Variants in PGAP4 observed in about 807,000 individuals in gnomAD.
PGAP4 encodes GPI-N-acetylgalactosamine transferase PGAP4.
Under a neutral mutation model 28.2 loss-of-function variants are expected in PGAP4, and 12 were observed. That is an observed-to-expected ratio of 0.42 (90% CI 0.27 to 0.69). PGAP4 has a LOEUF of 0.69. Ranked by LOEUF, PGAP4 falls within the 30% of genes least tolerant of loss-of-function variation. The probability of loss-of-function intolerance (pLI) is 0.22; values close to 1 mark genes in which losing one functional copy is unlikely to be tolerated. For missense variants in PGAP4, 425 were observed against 513.5 expected (o/e 0.83, Z 1.67); for synonymous variants, 205 against 211.8 (o/e 0.97, Z 0.28).
intron 2 of PGAP4, among the ~76,000 whole-genome samples, chr9:101,515,626 C>T (rs1826937783): frequency 6.6e-6 from 1 of 151,946 alleles, no homozygotes; most frequent in African/African-American, 2.4e-5. Flanking sequence ...GGAATTGTTC[C>T]ATGCCCTTCA....
chr9:101,487,687 C>T (rs560227999), upstream of PGAP4, among the ~76,000 whole-genome samples: 1 of 152,322 alleles, frequency 6.6e-6, no homozygotes, highest in South Asian at 2.1e-4. Context: ...CCTAGGTTTG[C>T]CTGTCTAGGC....
At chr9:101,503,591 C>A (rs1404919024) in intron 2 of PGAP4, among the ~76,000 whole-genome samples, 1 of 151,622 alleles carries the variant, frequency 6.6e-6, no homozygotes, top group African/African-American at 2.4e-5. Flanking sequence ...CCATTTTTTT[C>A]AGATTAGAAC....
At chr9:101,523,985 C>A (rs1328289347) in intron 2 of PGAP4, among the ~76,000 whole-genome samples, 2 of 151,934 alleles carry the variant, frequency 1.3e-5, no homozygotes, top group African/African-American at 4.8e-5. Flanking sequence ...ACAAGCCGAA[C>A]TGCAGTGATT....
At chr9:101,501,322 G>A (rs1826796432) in intron 2 of PGAP4, among the ~76,000 whole-genome samples, 1 of 152,084 alleles carries the variant, frequency 6.6e-6, no homozygotes, top group Non-Finnish European at 1.5e-5. Context: ...CAATGATTCA[G>A]AATATGAGCT....
chr9:101,487,545 A>G (rs1309388082), upstream of PGAP4, among the ~76,000 whole-genome samples: 1 of 152,204 alleles, frequency 6.6e-6, no homozygotes, highest in East Asian at 1.9e-4. Flanking sequence ...GGAAAAAGAT[A>G]CGGAATGATC....
At chr9:101,528,386 C>A (rs765494354) in intron 2 of PGAP4, among the ~76,000 whole-genome samples, 3 of 152,128 alleles carry the variant, frequency 2.0e-5, no homozygotes, top group Admixed American at 6.5e-5. Flanking sequence ...AACCTAAATT[C>A]TCCTTTACCT....
At chr9:101,494,459 A>C (rs2118578608) in intron 2 of PGAP4, among the ~76,000 whole-genome samples, 1 of 152,072 alleles carries the variant, frequency 6.6e-6, no homozygotes, top group South Asian at 2.1e-4. Flanking sequence ...AAAACATTTA[A>C]GTAAAGAGCC....
Position 101,473,803 on chromosome 9 carries a change from A to T in PGAP4, c.*2078T>A, listed in dbSNP as rs536130492. 2.2e-4 allele frequency: 33 copies of T among 152,358 alleles called. No homozygotes were observed. Among genetic ancestry groups the T allele is most frequent in the African/African-American group, 7.9e-4 (33 of 41,572 alleles). The allele number at this position is 152,358 out of a possible 1,614,324, so 9.4% of individuals were successfully genotyped here. On this transcript the variant is annotated 3_prime_UTR_variant, in exon 2 of 2. Coordinates refer to ENST00000374848, the MANE Select transcript of PGAP4 (RefSeq NM_032342.3). Reference sequence around the variant, plus strand: ...CCAATCACTAATGCAACAAACTCTAATGAGTTCTAAGTTGGAGAGAGCTCA... The same window carrying T: ...CCAATCACTAATGCAACAAACTCTATTGAGTTCTAAGTTGGAGAGAGCTCA...
chr9:101,486,459 C>T lies in PGAP4; in HGVS notation c.-78+490G>A, dbSNP rs1324694896. Among the ~76,000 whole-genome samples, 1 of 152,218 alleles carries T rather than the reference C, an allele frequency of 6.6e-6. No individual in the cohort carries two copies. Among genetic ancestry groups the T allele is most frequent in the African/African-American group, 2.4e-5 (1 of 41,470 alleles). On this transcript the variant is annotated intron_variant, in intron 1 of 1. Coordinates refer to ENST00000374848, the MANE Select transcript of PGAP4 (RefSeq NM_032342.3). The surrounding 1 kb of genome is among the most constrained non-coding windows in gnomAD (Gnocchi z 4.7). Reference sequence around the variant, plus strand: ...ACTGCTGCCGCGCTCTCGGCGCGCCCGGCGAACCTAAGGTGTGGACGCGCC... The same window carrying T: ...ACTGCTGCCGCGCTCTCGGCGCGCCTGGCGAACCTAAGGTGTGGACGCGCC...
intron 2 of PGAP4, among the ~76,000 whole-genome samples, chr9:101,498,931 C>G (rs943397737): frequency 6.6e-6 from 1 of 151,826 alleles, no homozygotes; most frequent in Admixed American, 6.6e-5. Context: ...GGAAAGTAGT[C>G]AAACGTAATC....
intron 2 of PGAP4, among the ~76,000 whole-genome samples, chr9:101,494,581 A>G (rs1482730146): frequency 1.3e-5 from 2 of 151,846 alleles, no homozygotes; most frequent in African/African-American, 4.8e-5. Flanking sequence ...TAAGTCCATT[A>G]GTTTTGTATT....
intron 2 of PGAP4, among the ~76,000 whole-genome samples, chr9:101,508,949 A>G (rs1826873129): frequency 6.6e-6 from 1 of 152,160 alleles, no homozygotes; most frequent in African/African-American, 2.4e-5. Context: ...TTAGAAATGG[A>G]AACAGGCTTT....
Position 101,476,232 on chromosome 9 carries a change from TG to T in PGAP4, c.860del (p.Pro287GlnfsTer7). On this transcript the variant is annotated frameshift_variant, in exon 2 of 2. Coordinates refer to ENST00000374848, the MANE Select transcript of PGAP4 (RefSeq NM_032342.3). LOFTEE classifies it high-confidence loss of function. The surrounding 1 kb of genome is among the most constrained non-coding windows in gnomAD (Gnocchi z 7.0). ...TWIYMRFASR[P>X]GFSWPVMLFF... ...AGAGCATTACAGGCCAGCTAAACCC[TG>T]GGCGGCTGGCAAACCTCATGTATAT... The T allele has an allele frequency of 1.2e-6, 2 of 1,614,070 alleles. No individual in the cohort carries two copies. The highest frequency in any genetic ancestry group is 2.2e-5 in the South Asian group (2 of 91,056).
intron 2 of PGAP4, among the ~76,000 whole-genome samples, chr9:101,494,768 T>C (rs1001059564): frequency 2.0e-5 from 3 of 151,708 alleles, no homozygotes; most frequent in Non-Finnish European, 4.4e-5. Context: ...AGAATAGCCA[T>C]GGTCAAAATC....
chr9:101,488,585 C>T (rs1368875715), upstream of PGAP4, among the ~76,000 whole-genome samples: 2 of 152,126 alleles, frequency 1.3e-5, no homozygotes, highest in Non-Finnish European at 2.9e-5. Flanking sequence ...AAATATCTAG[C>T]TTTCTATAAA....
At chr9:101,520,770 G>T (rs1023492822) in intron 2 of PGAP4, among the ~76,000 whole-genome samples, 2 of 152,160 alleles carry the variant, frequency 1.3e-5, no homozygotes, top group Non-Finnish European at 2.9e-5. Context: ...GAGGAGTGGT[G>T]AGAGTGGGCA....
intron 2 of PGAP4, among the ~76,000 whole-genome samples, chr9:101,513,457 C>T (rs953517997): frequency 6.6e-5 from 10 of 152,156 alleles, no homozygotes; most frequent in Non-Finnish European, 1.5e-4. Flanking sequence ...AACAGTCAGA[C>T]CTGTCACTCC....
intron 2 of PGAP4, among the ~76,000 whole-genome samples, chr9:101,512,065 G>A (rs955192389): frequency 1.3e-5 from 2 of 152,152 alleles, no homozygotes; most frequent in Non-Finnish European, 2.9e-5. Context: ...ATCACTGAGT[G>A]TAGCACTGAT....
intron 2 of PGAP4, among the ~76,000 whole-genome samples, chr9:101,493,717 G>C (rs1826711798): frequency 6.6e-6 from 1 of 152,052 alleles, no homozygotes; most frequent in Non-Finnish European, 1.5e-5. Context: ...TTTTTGATTT[G>C]TACTTTGAAT....
Sources: gnomAD v4.1 joint callset for allele counts (sites outside exome capture counted in the v4.1 genomes callset) on GRCh38, gnomAD v4.1.1 for gene constraint, Gnocchi (gnomAD v3.1) non-coding constraint, MANE v1.5 for transcripts, NCBI Gene and HGNC (gene_info 2026-07-23, HGNC 2026-07-21) for gene names.